Variants in ADARB2 observed in about 807,000 individuals in gnomAD.
ADARB2 encodes adenosine deaminase RNA specific B2 (inactive).
ADARB2 carries 25 observed loss-of-function variants against 62.2 expected under a neutral mutation model. The observed-to-expected ratio is 0.40, with a 90% CI of 0.29 to 0.56. ADARB2 has a LOEUF of 0.56. ADARB2 is among the 20% of genes least tolerant of loss of function. The pLI, the probability that ADARB2 is intolerant of heterozygous loss-of-function variation, is 0.43. For synonymous variants in ADARB2, 572 were observed against 500.8 expected (o/e 1.14, Z -1.90); for missense variants, 1,071 against 1,077.4 (o/e 0.99, Z 0.08).
intron 3 of ADARB2, among the ~76,000 whole-genome samples, chr10:1,347,282 G>A (rs781442569): frequency 4.6e-5 from 7 of 152,182 alleles, no homozygotes; most frequent in Non-Finnish European, 7.3e-5. Context: ...TCAGAGGACC[G>A]AGGCCTTGTC....
intron 1 of ADARB2, among the ~76,000 whole-genome samples, chr10:1,574,028 T>C (rs1202654083): frequency 6.6e-6 from 1 of 152,216 alleles, no homozygotes; most frequent in Non-Finnish European, 1.5e-5. Flanking sequence ...CTGGCATTTT[T>C]TGAAGATCAA....
At chr10:1,507,209 G>A (rs950135577) in intron 1 of ADARB2, among the ~76,000 whole-genome samples, 10 of 152,224 alleles carry the variant, frequency 6.6e-5, no homozygotes, top group African/African-American at 2.2e-4. Context: ...CGGAAGCCAG[G>A]AAGACAGGAG....
At chr10:1,400,352 T>C (rs1422847482) in intron 1 of ADARB2, among the ~76,000 whole-genome samples, 1 of 152,182 alleles carries the variant, frequency 6.6e-6, no homozygotes, top group African/African-American at 2.4e-5. Context: ...CTGGACTCTG[T>C]GTCACAACTT....
At chr10:1,636,148 G>A (rs1833914966) in intron 1 of ADARB2, among the ~76,000 whole-genome samples, 1 of 152,146 alleles carries the variant, frequency 6.6e-6, no homozygotes, top group African/African-American at 2.4e-5. Flanking sequence ...AACGGAGCGA[G>A]TTGAGGGGGG....
chr10:1,348,968 G>A (rs1048684969), intron 3 of ADARB2, among the ~76,000 whole-genome samples: 8 of 140,070 alleles, frequency 5.7e-5, no homozygotes, highest in Non-Finnish European at 1.1e-4. Context: ...AAGGAGAGAG[G>A]GCTCAGGGGA....
chr10:1,275,608 C>T (rs906852360), intron 3 of ADARB2, among the ~76,000 whole-genome samples: 5 of 151,658 alleles, frequency 3.3e-5, no homozygotes, highest in East Asian at 1.9e-4. Flanking sequence ...CTGCACACAT[C>T]AACTCATCAT....
intron 1 of ADARB2, among the ~76,000 whole-genome samples, chr10:1,523,732 C>A (rs1030289579): frequency 3.9e-5 from 6 of 152,158 alleles, no homozygotes; most frequent in Admixed American, 3.9e-4. Context: ...AGGCTTAATT[C>A]TCTCTAAAAT....
At chr10:1,465,169 A>T (rs1831238233) in intron 1 of ADARB2, among the ~76,000 whole-genome samples, 1 of 152,214 alleles carries the variant, frequency 6.6e-6, no homozygotes, top group Admixed American at 6.5e-5. Context: ...GTCCTTCTCA[A>T]AATGGCAAAG....
At chr10:1,199,216 C>CCT (rs1256682312) in intron 8 of ADARB2, among the ~76,000 whole-genome samples, 12 of 151,850 alleles carry the variant, frequency 7.9e-5, no homozygotes, top group Non-Finnish European at 1.3e-4. Flanking sequence ...GGAAACCCAC[C>CCT]CCCCCGCTTC....
chr10:1,270,682 G>A (rs12413276), intron 4 of ADARB2, among the ~76,000 whole-genome samples: 26,272 of 152,178 alleles, frequency 0.17, 2,422 homozygotes, highest in Admixed American at 0.29. Context: ...CAGGAGACGT[G>A]GGTCCTCCGG....
chr10:1,659,829 G>T (rs28678174), intron 1 of ADARB2, among the ~76,000 whole-genome samples: 1 of 119,844 alleles, frequency 8.3e-6, no homozygotes, highest in Admixed American at 8.5e-5. Context: ...CTGCCTGGGC[G>T]ACCCATCATG....
At chr10:1,579,507 C>T (rs1275388528) in intron 1 of ADARB2, among the ~76,000 whole-genome samples, 3 of 152,112 alleles carry the variant, frequency 2.0e-5, no homozygotes, top group African/African-American at 2.4e-5. Flanking sequence ...AGGAAACAGG[C>T]GCTCAATGAA....
At chr10:1,393,690 C>T (rs1179054577) in intron 1 of ADARB2, among the ~76,000 whole-genome samples, 2 of 152,192 alleles carry the variant, frequency 1.3e-5, no homozygotes, top group African/African-American at 4.8e-5. Context: ...CACCACGCTC[C>T]AGCTAACCTT....
At chr10:1,374,456 G>A (rs1383491996) in intron 2 of ADARB2, among the ~76,000 whole-genome samples, 1 of 152,236 alleles carries the variant, frequency 6.6e-6, no homozygotes, top group Non-Finnish European at 1.5e-5. Context: ...GCATCTGGGG[G>A]AGAAAGGCCA....
At chr10:1,263,373 C>T (rs923000358) in intron 4 of ADARB2, among the ~76,000 whole-genome samples, 1 of 152,212 alleles carries the variant, frequency 6.6e-6, no homozygotes, top group African/African-American at 2.4e-5. Flanking sequence ...CAGGTAAACA[C>T]TGGATGCTAG....
chr10:1,575,467 G>C (rs930019085), intron 1 of ADARB2, among the ~76,000 whole-genome samples: 2 of 151,646 alleles, frequency 1.3e-5, no homozygotes, highest in Non-Finnish European at 3.0e-5. Context: ...TTTCATAGCA[G>C]AGACATGGGA....
intron 1 of ADARB2, 121 bp from the exon 2 acceptor site, chr10:1,379,281 G>A: frequency 1.3e-6 from 1 of 744,390 alleles, no homozygotes; most frequent in Non-Finnish European, 2.3e-6. Context: ...TTTGGTTTCA[G>A]CCATTTCATT....
At chr10:1,217,621 C>G (rs1292468753) in intron 6 of ADARB2, among the ~76,000 whole-genome samples, 1 of 152,208 alleles carries the variant, frequency 6.6e-6, no homozygotes, top group African/African-American at 2.4e-5. Flanking sequence ...TCAGCTCTTA[C>G]CCTGGTCCAG....
intron 1 of ADARB2, among the ~76,000 whole-genome samples, chr10:1,587,907 A>G (rs534460748): frequency 3.3e-5 from 5 of 152,082 alleles, no homozygotes; most frequent in Non-Finnish European, 7.4e-5. Flanking sequence ...GCCGCCATGT[A>G]AGATGTGCCT....
Sources: allele counts gnomAD v4.1 joint callset (sites outside exome capture counted in the v4.1 genomes callset), GRCh38; gene constraint gnomAD v4.1.1; transcripts MANE v1.5; gene names NCBI Gene and HGNC (gene_info 2026-07-23, HGNC 2026-07-21).